Variants in CNTNAP2 observed in about 807,000 individuals in gnomAD.
CNTNAP2 encodes contactin-associated protein-like 2.
A neutral mutation model predicts 155.2 loss-of-function variants in CNTNAP2; 98 were observed. The ratio of observed to expected loss-of-function variants is 0.63; its 90% CI spans 0.54 to 0.75. The LOEUF (loss-of-function observed/expected upper bound fraction) is 0.75. CNTNAP2 is among the 30% of genes least tolerant of loss of function. The pLI is 0.00. For synonymous variants in CNTNAP2, 651 were observed against 631.2 expected, an observed-to-expected ratio of 1.03 and a Z score of -0.47; for missense variants, 1,727 against 1,688.1, an observed-to-expected ratio of 1.02 and a Z score of -0.40.
At chr7:146,144,688 A>G (rs983412119) in intron 1 of CNTNAP2, among the ~76,000 whole-genome samples, 5 of 152,166 alleles carry the variant, frequency 3.3e-5, no homozygotes, top group African/African-American at 7.2e-5. Flanking sequence ...TCTCATGTTA[A>G]TTTGGTATAA....
At chr7:147,473,685 A>G (rs902731510) in intron 10 of CNTNAP2, among the ~76,000 whole-genome samples, 3 of 152,224 alleles carry the variant, frequency 2.0e-5, no homozygotes, top group African/African-American at 7.2e-5. Context: ...GAAATATTCT[A>G]TTCACAGATA....
intron 9 of CNTNAP2, chr7:147,377,890 T>A (rs545346200): frequency 2.3e-5 from 9 of 396,128 alleles, no homozygotes; most frequent in Non-Finnish European, 4.5e-5. Flanking sequence ...TAGTGCTAGA[T>A]TACCTTTATA....
In CNTNAP2 at chr7:148,389,117, C is replaced by T. The variant is rs548952858; in HGVS notation, c.3715+5229C>T. On this transcript the variant is annotated intron_variant, in intron 22 of 23. Coordinates refer to ENST00000361727, the MANE Select transcript of CNTNAP2 (RefSeq NM_014141.6). ...TCTTCTGCGTCGCTCATGCTGGGAG[C>T]TGTAGACTGGAGCTGTTCCTATTCA... Among the ~76,000 whole-genome samples the T allele has an allele frequency of 4.6e-5, 7 of 152,326 alleles. No individual in the cohort carries two copies. In the South Asian group the frequency reaches 1.2e-3, roughly 27 times the overall value.
chr7:148,246,578 C>T (rs1159592379), intron 20 of CNTNAP2, among the ~76,000 whole-genome samples: 2 of 147,748 alleles, frequency 1.4e-5, no homozygotes. Context: ...TTTGAGCAAA[C>T]CTATAAAACT....
intron 3 of CNTNAP2, among the ~76,000 whole-genome samples, chr7:146,887,284 G>A (rs1473367737): frequency 1.3e-5 from 2 of 151,554 alleles, no homozygotes; most frequent in African/African-American, 4.8e-5. Flanking sequence ...GAGTAGCTGG[G>A]ATTACGGGCG....
intron 14 of CNTNAP2, among the ~76,000 whole-genome samples, chr7:147,917,350 T>C (rs1205864381): frequency 2.6e-5 from 4 of 152,176 alleles, no homozygotes; most frequent in African/African-American, 9.7e-5. Context: ...GAAAAATAAC[T>C]AAACAAGAGT....
chr7:147,918,610 G>T (rs1182861130), intron 14 of CNTNAP2, among the ~76,000 whole-genome samples: 1 of 152,168 alleles, frequency 6.6e-6, no homozygotes, highest in Non-Finnish European at 1.5e-5. Flanking sequence ...AAGCATGCTA[G>T]TTGTCTTAGG....
At chr7:146,662,843 G>C (rs1007310981) in intron 1 of CNTNAP2, among the ~76,000 whole-genome samples, 2 of 152,014 alleles carry the variant, frequency 1.3e-5, no homozygotes, top group Non-Finnish European at 2.9e-5. Context: ...CCTTTTAATT[G>C]CCTTAGTGCC....
chr7:146,656,460 C>T (rs1201131949), intron 1 of CNTNAP2, among the ~76,000 whole-genome samples: 1 of 152,188 alleles, frequency 6.6e-6, no homozygotes, highest in East Asian at 1.9e-4. Flanking sequence ...TGATCCATGT[C>T]AAATTCAGCA....
chr7:146,771,770 G>C (rs1293126899), intron 1 of CNTNAP2, among the ~76,000 whole-genome samples: 1 of 152,026 alleles, frequency 6.6e-6, no homozygotes, highest in African/African-American at 2.4e-5. Flanking sequence ...GTATCATTGG[G>C]GACTTAAGTG....
chr7:146,950,662 A>C (rs974115923), intron 3 of CNTNAP2, among the ~76,000 whole-genome samples: 1 of 152,130 alleles, frequency 6.6e-6, no homozygotes, highest in African/African-American at 2.4e-5. Context: ...CATGGTGTAT[A>C]TGTGCCACAT....
intron 20 of CNTNAP2, among the ~76,000 whole-genome samples, chr7:148,265,017 A>C (rs891957157): frequency 6.6e-6 from 1 of 152,062 alleles, no homozygotes; most frequent in Non-Finnish European, 1.5e-5. Flanking sequence ...AAATTGTAAG[A>C]AGTATGAGGT....
intron 1 of CNTNAP2, among the ~76,000 whole-genome samples, chr7:146,199,027 C>G (rs1340396647): frequency 6.6e-6 from 1 of 152,114 alleles, no homozygotes; most frequent in Non-Finnish European, 1.5e-5. Flanking sequence ...CTACATTTGT[C>G]GATTTTTTCC....
chr7:146,953,536 G>T (rs139818021), intron 3 of CNTNAP2, among the ~76,000 whole-genome samples: 3 of 151,966 alleles, frequency 2.0e-5, no homozygotes, highest in Admixed American at 2.0e-4. Context: ...CTTCTATATA[G>T]GTTTGTAACG....
chr7:147,660,100 G>T (rs1006318846), intron 13 of CNTNAP2, among the ~76,000 whole-genome samples: 1 of 152,220 alleles, frequency 6.6e-6, no homozygotes, highest in Non-Finnish European at 1.5e-5. Flanking sequence ...GTGCAAAGCA[G>T]TGGTGATGTG....
intron 10 of CNTNAP2, among the ~76,000 whole-genome samples, chr7:147,482,202 A>G (rs994700960): frequency 6.6e-6 from 1 of 152,176 alleles, no homozygotes; most frequent in Non-Finnish European, 1.5e-5. Flanking sequence ...TGTATTGGAC[A>G]TAGGTTACTA....
At chr7:146,765,970 G>A (rs1200995214) in intron 1 of CNTNAP2, among the ~76,000 whole-genome samples, 3 of 152,036 alleles carry the variant, frequency 2.0e-5, no homozygotes, top group Non-Finnish European at 4.4e-5. Flanking sequence ...CAGAGAAGGA[G>A]TGAAATAAAA....
At chr7:146,765,304 T>C (rs1163686843) in intron 1 of CNTNAP2, among the ~76,000 whole-genome samples, 1 of 152,226 alleles carries the variant, frequency 6.6e-6, no homozygotes, top group Non-Finnish European at 1.5e-5. Context: ...AGAGATGATA[T>C]TTCTTATGTG....
chr7:147,245,285 T>C (rs976199548), intron 8 of CNTNAP2, among the ~76,000 whole-genome samples: 2 of 151,878 alleles, frequency 1.3e-5, no homozygotes, highest in Non-Finnish European at 2.9e-5. Context: ...AATAAAAACC[T>C]CGGTGTAAAG....
Sources: gnomAD v4.1 joint callset for allele counts (sites outside exome capture counted in the v4.1 genomes callset) on GRCh38, gnomAD v4.1.1 for gene constraint, MANE v1.5 for transcripts, NCBI Gene and HGNC (gene_info 2026-07-23, HGNC 2026-07-21) for gene names.